RAB10: variants seen among roughly 807,000 people sequenced by gnomAD.
The protein encoded by RAB10 is ras-related protein Rab-10.
A neutral mutation model predicts 25.7 loss-of-function variants in RAB10; 5 were observed. The observed-to-expected ratio is 0.19, with a 90% CI of 0.10 to 0.41. The LOEUF (loss-of-function observed/expected upper bound fraction) is 0.41, where lower values mean the gene tolerates loss of function less well. Ranked by LOEUF, RAB10 falls within the 10% of genes least tolerant of loss-of-function variation. The pLI, the probability that RAB10 is intolerant of heterozygous loss-of-function variation, is 1.00. For synonymous variants in RAB10, 89 were observed against 86.4 expected (o/e 1.03, Z -0.16); for missense variants, 103 against 245.8 (o/e 0.42, Z 3.89).
At chr2:26,077,558 A>G (rs1666764978) in intron 1 of RAB10, among the ~76,000 whole-genome samples, 1 of 152,222 alleles carries the variant, frequency 6.6e-6, no homozygotes, top group East Asian at 1.9e-4. Flanking sequence ...TTACTGTGTA[A>G]TGTCAGCTTC....
At chr2:26,082,008 A>G (rs1666880381) in intron 1 of RAB10, among the ~76,000 whole-genome samples, 1 of 152,218 alleles carries the variant, frequency 6.6e-6, no homozygotes, top group Non-Finnish European at 1.5e-5. Context: ...AAAAGGAATG[A>G]AGATGACAGG....
At chr2:26,098,343 G>A (rs1667272321) in intron 1 of RAB10, among the ~76,000 whole-genome samples, 1 of 151,938 alleles carries the variant, frequency 6.6e-6, no homozygotes, top group African/African-American at 2.4e-5. Context: ...TTCACCATGT[G>A]CCCAGGCTGG....
At chr2:26,045,004 T>A (rs1233163981) in intron 1 of RAB10, among the ~76,000 whole-genome samples, 1 of 152,032 alleles carries the variant, frequency 6.6e-6, no homozygotes, top group Non-Finnish European at 1.5e-5. Flanking sequence ...TGTTTTTTTT[T>A]TTTGGAGGGG....
At chr2:26,063,506 T>C (rs984443485) in intron 1 of RAB10, among the ~76,000 whole-genome samples, 5 of 152,232 alleles carry the variant, frequency 3.3e-5, no homozygotes, top group East Asian at 1.9e-4. Context: ...CTAAATACTT[T>C]AGCATGTACC....
intron 1 of RAB10, among the ~76,000 whole-genome samples, chr2:26,068,962 C>T (rs1666569549): frequency 6.6e-6 from 1 of 152,214 alleles, no homozygotes; most frequent in African/African-American, 2.4e-5. Flanking sequence ...ACTACTGATG[C>T]ACTGCCTTCC....
intron 1 of RAB10, chr2:26,098,437 C>G (rs1351634061): frequency 1.7e-5 from 8 of 463,272 alleles, no homozygotes; most frequent in Non-Finnish European, 3.0e-5. Context: ...CCATGCCCAG[C>G]CCAAAACTTG....
chr2:26,113,101 G>C (rs1667608559), intron 3 of RAB10, among the ~76,000 whole-genome samples: 1 of 151,918 alleles, frequency 6.6e-6, no homozygotes, highest in Non-Finnish European at 1.5e-5. Flanking sequence ...AAAGAAAGAG[G>C]AAATCTTGTT....
chr2:26,050,771 A>G (rs994372081), intron 1 of RAB10, among the ~76,000 whole-genome samples: 3 of 151,754 alleles, frequency 2.0e-5, no homozygotes, highest in African/African-American at 7.3e-5. Context: ...CCACAGGTGC[A>G]TACCACCACA....
chr2:26,083,067 C>T (rs1481025175), intron 1 of RAB10, among the ~76,000 whole-genome samples: 1 of 152,106 alleles, frequency 6.6e-6, no homozygotes. Flanking sequence ...GGAACAGGAA[C>T]ATTTGTTTAA....
intron 1 of RAB10, among the ~76,000 whole-genome samples, chr2:26,043,382 C>T (rs1242033232): frequency 2.0e-5 from 3 of 152,124 alleles, no homozygotes; most frequent in African/African-American, 7.2e-5. Context: ...ATGATCATGC[C>T]ACTGTACTCC....
In RAB10 at chr2:26,087,087, C is replaced by CT. The variant is rs535104782; in HGVS notation, c.128-11566dup. 3.7e-3 allele frequency among the ~76,000 whole-genome samples: 564 copies of CT among 150,998 alleles called. 7 individuals are homozygous for CT. The highest frequency in any genetic ancestry group is 0.013 in the South Asian group (62 of 4,728). ...TTATGAATTGTTCACTTTATTTTTTCTTTTTTTTTGTTCGCTTTAAAGTGG... is the reference window on the plus strand; with the variant it reads ...TTATGAATTGTTCACTTTATTTTTTCTTTTTTTTTTGTTCGCTTTAAAGTGG... On this transcript the variant is annotated intron_variant, in intron 1 of 5. Transcript: ENST00000264710.
chr2:26,101,924 G>A (rs1288432520), intron 2 of RAB10: 1 of 152,242 alleles, frequency 6.6e-6, no homozygotes. Context: ...CTTGATGGGC[G>A]GGGAGAATAG....
At chr2:26,125,747 T>C (rs181727899) in intron 3 of RAB10, among the ~76,000 whole-genome samples, 8 of 152,206 alleles carry the variant, frequency 5.3e-5, no homozygotes, top group Admixed American at 2.6e-4. Flanking sequence ...GAGTTTTAGG[T>C]GTTTTTTATA....
chr2:26,040,571 T>C (rs1309807346), intron 1 of RAB10, among the ~76,000 whole-genome samples: 1 of 151,980 alleles, frequency 6.6e-6, no homozygotes, highest in Non-Finnish European at 1.5e-5. Flanking sequence ...GGTGGGAGGA[T>C]CACTTGAGTC....
intron 1 of RAB10, among the ~76,000 whole-genome samples, chr2:26,079,002 C>T (rs1313579814): frequency 6.6e-6 from 1 of 152,106 alleles, no homozygotes; most frequent in Non-Finnish European, 1.5e-5. Context: ...ATTCTGGTGA[C>T]ATGATAAAAC....
rs1007456327 is a variant in RAB10 at position 26,090,938 on chromosome 2, C to T, written c.128-7724C>T. ...AAAAGAGCGAGACCCTGTCTCCCCC[C>T]CCAAAAAAAAAAAAAAAAATTCTGA... On this transcript the variant is annotated intron_variant, in intron 1 of 5. Transcript: ENST00000264710. Among the ~76,000 whole-genome samples the T allele has an allele frequency of 3.8e-4, 24 of 63,934 alleles. No individual in the cohort carries two copies. The South Asian group carries it at 4.6e-3, about 12-fold the overall frequency. 41.9% of individuals were successfully genotyped at this position (63,934 alleles called of 152,430 possible).
chr2:26,083,116 G>C (rs1166270395), intron 1 of RAB10, among the ~76,000 whole-genome samples: 2 of 152,180 alleles, frequency 1.3e-5, no homozygotes, highest in African/African-American at 4.8e-5. Flanking sequence ...TTTAATGGCA[G>C]AGCATTTAGT....
chr2:26,085,765 G>A (rs970375512), intron 1 of RAB10, among the ~76,000 whole-genome samples: 2 of 152,048 alleles, frequency 1.3e-5, no homozygotes, highest in African/African-American at 2.4e-5. Context: ...GGGAGACTGA[G>A]GCGAGTGGAT....
intron 1 of RAB10, among the ~76,000 whole-genome samples, chr2:26,043,750 G>T (rs538737568): frequency 6.6e-6 from 1 of 152,252 alleles, no homozygotes; most frequent in Admixed American, 6.5e-5. Flanking sequence ...CAGAGTAATG[G>T]GGAGTTATTG....
Sources: gnomAD v4.1 joint callset for allele counts (sites outside exome capture counted in the v4.1 genomes callset) on GRCh38, gnomAD v4.1.1 for gene constraint, MANE v1.5 for transcripts, NCBI Gene and HGNC (gene_info 2026-07-23, HGNC 2026-07-21) for gene names.